Variants in CSNK2A2IP observed in about 807,000 individuals in gnomAD.
The protein encoded by CSNK2A2IP is casein kinase II subunit alpha'-interacting protein.
the CSNK2A2IP span, among the ~76,000 whole-genome samples, chr3:88,353,248 G>A: frequency 6.6e-6 from 1 of 152,094 alleles, no homozygotes; most frequent in South Asian, 2.1e-4. Flanking sequence ...TGTACTTATT[G>A]AGTCAACTGC....
chr3:88,390,989 C>T, the CSNK2A2IP span, among the ~76,000 whole-genome samples: 33 of 152,304 alleles, frequency 2.2e-4, no homozygotes, highest in Non-Finnish European at 4.1e-4. Flanking sequence ...GTTCTAGAAT[C>T]AAACTTCCCT....
At chr3:88,339,562 C>A in the CSNK2A2IP span, among the ~76,000 whole-genome samples, 1 of 151,974 alleles carries the variant, frequency 6.6e-6, no homozygotes, top group African/African-American at 2.4e-5. Flanking sequence ...TTATACCCAG[C>A]ACTCACATAT....
At chr3:88,445,288 A>AAAAAAAAAAAAAAAAAAAAAAT in the CSNK2A2IP span, among the ~76,000 whole-genome samples, 1 of 146,028 alleles carries the variant, frequency 6.8e-6, no homozygotes. Context: ...AAAAAAAAAA[A>AAAAAAAAAAAAAAAAAAAAAAT]AAAAAAAAAA....
chr3:88,356,427 A>G, the CSNK2A2IP span, among the ~76,000 whole-genome samples: 1 of 152,204 alleles, frequency 6.6e-6, no homozygotes, highest in Middle Eastern at 3.4e-3. Context: ...AAATGACAGT[A>G]TTTCATTCTT....
At chr3:88,376,469 CT>C in the CSNK2A2IP span, among the ~76,000 whole-genome samples, 1 of 151,660 alleles carries the variant, frequency 6.6e-6, no homozygotes, top group Non-Finnish European at 1.5e-5. Context: ...CTTCATCATT[CT>C]TTTCTTCTAA....
At chr3:88,445,976 CTCTT>C in the CSNK2A2IP span, among the ~76,000 whole-genome samples, 5 of 145,748 alleles carry the variant, frequency 3.4e-5, no homozygotes, top group Admixed American at 6.7e-5. Context: ...CTCCCTCTCT[CTCTT>C]TCTTTCTTTT....
At chr3:88,462,780 A>G in the CSNK2A2IP span, among the ~76,000 whole-genome samples, 1 of 152,210 alleles carries the variant, frequency 6.6e-6, no homozygotes, top group African/African-American at 2.4e-5. Context: ...AACTTTATTA[A>G]ATTTTTATTG....
At chr3:88,428,021 C>T in the CSNK2A2IP span, among the ~76,000 whole-genome samples, 1 of 152,104 alleles carries the variant, frequency 6.6e-6, no homozygotes, top group Non-Finnish European at 1.5e-5. Flanking sequence ...GTAAAAGCAG[C>T]CAGAAGGGGG....
chr3:88,391,284 T>G, the CSNK2A2IP span, among the ~76,000 whole-genome samples: 23 of 152,178 alleles, frequency 1.5e-4, no homozygotes, highest in Non-Finnish European at 2.8e-4. Flanking sequence ...TTATTTTTGG[T>G]TTTTTTGCAC....
At chr3:88,413,374 A>G in the CSNK2A2IP span, among the ~76,000 whole-genome samples, 1 of 150,910 alleles carries the variant, frequency 6.6e-6, no homozygotes, top group Non-Finnish European at 1.5e-5. Context: ...AATGCTATAC[A>G]TAATTGAATC....
chr3:88,392,349 G>A, the CSNK2A2IP span, among the ~76,000 whole-genome samples: 6,167 of 152,162 alleles, frequency 0.041, 280 homozygotes, highest in African/African-American at 0.11. Context: ...TACACACCCC[G>A]AAATAGCTAT....
the CSNK2A2IP span, among the ~76,000 whole-genome samples, chr3:88,463,143 G>T: frequency 6.6e-6 from 1 of 152,260 alleles, no homozygotes; most frequent in African/African-American, 2.4e-5. Flanking sequence ...ATCAGAATTT[G>T]GGTTGGTAAG....
the CSNK2A2IP span, among the ~76,000 whole-genome samples, chr3:88,457,475 C>A: frequency 6.6e-6 from 1 of 151,864 alleles, no homozygotes; most frequent in Non-Finnish European, 1.5e-5. Flanking sequence ...GTGGATGGAT[C>A]ACCTGAGGTC....
chr3:88,349,785 T>C, the CSNK2A2IP span, among the ~76,000 whole-genome samples: 3 of 152,144 alleles, frequency 2.0e-5, no homozygotes, highest in South Asian at 2.1e-4. Flanking sequence ...ACCACATCCA[T>C]GCCAACATCT....
the CSNK2A2IP span, among the ~76,000 whole-genome samples, chr3:88,373,136 A>T: frequency 6.6e-6 from 1 of 151,492 alleles, no homozygotes; most frequent in African/African-American, 2.4e-5. Context: ...ATTTGACCTA[A>T]TTGTTATTTA....
At chr3:88,466,586 T>C in the CSNK2A2IP span, 10 of 1,231,460 alleles carry the variant, frequency 8.1e-6, no homozygotes, top group African/African-American at 1.4e-4. Flanking sequence ...AATAAAGAAA[T>C]TCCTTGGACT....
At chr3:88,392,954 G>T in the CSNK2A2IP span, among the ~76,000 whole-genome samples, 1 of 152,144 alleles carries the variant, frequency 6.6e-6, no homozygotes, top group African/African-American at 2.4e-5. Context: ...CAAGGTTTAG[G>T]GAAGGGTGAA....
the CSNK2A2IP span, among the ~76,000 whole-genome samples, chr3:88,414,690 G>A: frequency 2.6e-5 from 4 of 151,796 alleles, no homozygotes; most frequent in African/African-American, 9.7e-5. Flanking sequence ...CATCTTGGTG[G>A]GGTGGTGTTG....
At chr3:88,370,709 ATC>A in the CSNK2A2IP span, among the ~76,000 whole-genome samples, 3 of 150,864 alleles carry the variant, frequency 2.0e-5, no homozygotes, top group East Asian at 5.9e-4. Context: ...CAACTTTCAC[ATC>A]TGTTATGGAT....
Sources: gnomAD v4.1 joint callset for allele counts (sites outside exome capture counted in the v4.1 genomes callset) on GRCh38, gnomAD v4.1.1 for gene constraint, MANE v1.5 for transcripts, NCBI Gene and HGNC (gene_info 2026-07-23, HGNC 2026-07-21) for gene names.